The following BORCS5 variants were observed in gnomAD, a reference collection of about 807,000 sequenced individuals.
BORCS5 encodes BLOC-1 related complex subunit 5.
In BORCS5, 17 loss-of-function variants were observed where a neutral mutation model predicts 22.1. The observed-to-expected ratio is 0.77, with a 90% CI of 0.53 to 1.15. The LOEUF (loss-of-function observed/expected upper bound fraction) is 1.15. Ranked by LOEUF, BORCS5 falls within the 50% of genes most tolerant of loss-of-function variation. The pLI is 0.00. For missense variants in BORCS5, 247 were observed against 253.2 expected (o/e 0.98, Z 0.17); for synonymous variants, 117 against 99.8 (o/e 1.17, Z -1.03).
chr12:12,430,292 A>G (rs1942390550), intron 2 of BORCS5, among the ~76,000 whole-genome samples: 1 of 151,754 alleles, frequency 6.6e-6, no homozygotes, highest in African/African-American at 2.4e-5. Flanking sequence ...CTGGGACTAC[A>G]GGCGCCTGCC....
intron 2 of BORCS5, among the ~76,000 whole-genome samples, chr12:12,392,007 C>T (rs563002559): frequency 7.3e-6 from 1 of 136,208 alleles, no homozygotes; most frequent in South Asian, 2.5e-4. Flanking sequence ...GATTGCACCA[C>T]AGCACTCCAG....
At position 12,459,905 on chromosome 12, in the gene BORCS5, C is replaced by T. The variant is rs182197355; in HGVS notation, c.361-5641C>T. On this transcript the variant is annotated intron_variant, in intron 3 of 3. Coordinates refer to ENST00000314565, the MANE Select transcript of BORCS5 (RefSeq NM_058169.6). ...TCTTTTGTTTTATGGATCTGTGTGTCTCTATGCCAGCACCACACTATCCTG... is the reference window on the plus strand; with the variant it reads ...TCTTTTGTTTTATGGATCTGTGTGTTTCTATGCCAGCACCACACTATCCTG... 2.3e-3 allele frequency among the ~76,000 whole-genome samples: 353 copies of T among 152,270 alleles called. 3 individuals carry two copies. Among genetic ancestry groups the T allele is most frequent in the Non-Finnish European group, 4.2e-3 (289 of 68,026 alleles).
At chr12:12,397,998 T>C (rs1941390769) in intron 2 of BORCS5, among the ~76,000 whole-genome samples, 2 of 152,230 alleles carry the variant, frequency 1.3e-5, no homozygotes, top group South Asian at 4.1e-4. Flanking sequence ...TATAGTGTTA[T>C]TTTTTCCTTC....
intron 3 of BORCS5, among the ~76,000 whole-genome samples, chr12:12,454,425 C>G (rs770104582): frequency 2.6e-5 from 4 of 152,186 alleles, no homozygotes; most frequent in Non-Finnish European, 4.4e-5. Context: ...TTTCTAATGT[C>G]CAGTGATGTT....
chr12:12,460,602 T>C (rs1341912727), intron 3 of BORCS5, among the ~76,000 whole-genome samples: 2 of 152,178 alleles, frequency 1.3e-5, no homozygotes, highest in Non-Finnish European at 2.9e-5. Context: ...CCAATAACTG[T>C]ATTGTCAGCT....
intron 2 of BORCS5, among the ~76,000 whole-genome samples, chr12:12,402,497 C>G (rs2136074642): frequency 6.6e-6 from 1 of 152,250 alleles, no homozygotes; most frequent in Non-Finnish European, 1.5e-5. Context: ...TTGTAGTGTT[C>G]AAGAGTTTTA....
rs1308461077 is a variant in BORCS5 at position 12,415,245 on chromosome 12, C to G, written c.203-20383C>G. Among the ~76,000 whole-genome samples the G allele has an allele frequency of 6.0e-5, 9 of 150,672 alleles. No homozygotes were observed. The South Asian group carries it at 1.2e-3, about 21-fold the overall frequency. ...CGAGCCGAGATCACGCCACTGCACT[C>G]CAGCCTGGGCACCATTGAGCACTGA... On this transcript the variant is annotated intron_variant, in intron 2 of 3. Coordinates refer to ENST00000314565, the MANE Select transcript of BORCS5 (RefSeq NM_058169.6).
Position 12,357,485 on chromosome 12 carries a change from C to T in BORCS5, c.34C>T (p.Arg12Ter). The change falls in exon 1 of 4, where the codon CGA (arginine) becomes TGA (stop). Residue 12 changes from arginine (R) to a stop codon, truncating the protein, a stop_gained. Transcript: ENST00000314565. LOFTEE classifies it high-confidence loss of function. ...GSEQSSEAESRPNDLNSSVTP... is the reference protein window; with the variant it reads ...GSEQSSEAES ...TGAGCAGAGCTCCGAGGCCGAGAGCCGACCCAACGATCTGAACTCCTCAGG... is the reference window on the plus strand; with the variant it reads ...TGAGCAGAGCTCCGAGGCCGAGAGCTGACCCAACGATCTGAACTCCTCAGG... 6.2e-7 allele frequency: 1 copy of T among 1,611,218 alleles called. No individual in the cohort carries two copies. The highest frequency in any genetic ancestry group is 8.5e-7 in the Non-Finnish European group (1 of 1,177,702).
At chr12:12,381,187 A>G (rs1469966281) in intron 2 of BORCS5, among the ~76,000 whole-genome samples, 1 of 150,836 alleles carries the variant, frequency 6.6e-6, no homozygotes, top group Non-Finnish European at 1.5e-5. Context: ...TTTAGTAGAG[A>G]CAGGCTTTCA....
At chr12:12,362,667 T>C (rs1412727221) in intron 2 of BORCS5, among the ~76,000 whole-genome samples, 1 of 111,840 alleles carries the variant, frequency 8.9e-6, no homozygotes, top group Non-Finnish European at 2.1e-5. Context: ...TTTTTTAGAG[T>C]TTTGCTCTGT....
At chr12:12,362,636 C>CTTTTTT (rs71436712) in intron 2 of BORCS5, among the ~76,000 whole-genome samples, 906 of 57,498 alleles carry the variant, frequency 0.016, 146 homozygotes, top group Non-Finnish European at 0.025. Flanking sequence ...TGTTACTCAT[C>CTTTTTT]TTTTTTTTTT....
chr12:12,386,453 A>ATTTTTTTT (rs71061054), intron 2 of BORCS5, among the ~76,000 whole-genome samples: 1 of 140,106 alleles, frequency 7.1e-6, no homozygotes, highest in African/African-American at 2.7e-5. Context: ...CACTGTTGCT[A>ATTTTTTTT]TTTTTTTTTT....
At chr12:12,399,472 A>G (rs952320419) in intron 2 of BORCS5, among the ~76,000 whole-genome samples, 5 of 152,214 alleles carry the variant, frequency 3.3e-5, no homozygotes, top group Admixed American at 3.3e-4. Flanking sequence ...AAGAGAGGAC[A>G]GGGAAGAGGC....
At chr12:12,375,819 G>A (rs1324381336) in intron 2 of BORCS5, among the ~76,000 whole-genome samples, 1 of 152,064 alleles carries the variant, frequency 6.6e-6, no homozygotes, top group African/African-American at 2.4e-5. Flanking sequence ...GTTTGTTGTT[G>A]TTGTTGTTTT....
chr12:12,414,664 G>C (rs572687801), intron 2 of BORCS5, among the ~76,000 whole-genome samples: 1 of 92,356 alleles, frequency 1.1e-5, no homozygotes, highest in African/African-American at 4.9e-5. Flanking sequence ...CCTCCCGGAC[G>C]GGGCGGCTGG....
intron 2 of BORCS5, among the ~76,000 whole-genome samples, chr12:12,400,766 C>A (rs1941453514): frequency 6.6e-6 from 1 of 152,186 alleles, no homozygotes; most frequent in Non-Finnish European, 1.5e-5. Flanking sequence ...TCCTCCCACT[C>A]CACAGGGAAT....
At chr12:12,443,065 T>C (rs16908076) in intron 3 of BORCS5, among the ~76,000 whole-genome samples, 10,783 of 152,310 alleles carry the variant, frequency 0.071, 563 homozygotes, top group East Asian at 0.23. Flanking sequence ...TGAGCTCCTT[T>C]GGTTAAAAGC....
chr12:12,464,921 G>A lies in BORCS5; in HGVS notation c.361-625G>A, dbSNP rs548120114. Among the ~76,000 whole-genome samples the A allele has an allele frequency of 3.7e-4, 56 of 152,140 alleles. 1 individual carries two copies. Among genetic ancestry groups the A allele is most frequent in the Admixed American group, 1.7e-3 (26 of 15,264 alleles). ...CCCGAGTGTCCGCCAAACTGCAGCC[G>A]TCCAGGGAAGAGAAGGATTGAGTGA... On this transcript the variant is annotated intron_variant, in intron 3 of 3. Transcript: ENST00000314565.
intron 2 of BORCS5, among the ~76,000 whole-genome samples, chr12:12,425,990 A>G (rs1942277765): frequency 2.0e-5 from 3 of 152,230 alleles, no homozygotes; most frequent in South Asian, 4.1e-4. Flanking sequence ...ATAACTTTAT[A>G]TAGTTCCCAT....
Sources: allele counts gnomAD v4.1 joint callset (sites outside exome capture counted in the v4.1 genomes callset), GRCh38; gene constraint gnomAD v4.1.1; transcripts MANE v1.5; gene names NCBI Gene and HGNC (gene_info 2026-07-23, HGNC 2026-07-21).